Variants in MYO7B observed in about 807,000 individuals in gnomAD.
MYO7B encodes unconventional myosin-VIIb.
A neutral mutation model predicts 259.7 loss-of-function variants in MYO7B; 212 were observed. The observed-to-expected ratio is 0.82, with a 90% CI of 0.73 to 0.91. MYO7B has a LOEUF of 0.91. MYO7B is among the 40% of genes least tolerant of loss of function. The probability of loss-of-function intolerance (pLI) is 0.00; values close to 1 mark genes in which losing one functional copy is unlikely to be tolerated. For synonymous variants in MYO7B, 1,197 were observed against 1,166.4 expected (o/e 1.03, Z -0.54); for missense variants, 2,732 against 2,813.5 (o/e 0.97, Z 0.66).
intron 10 of MYO7B, 97 bp downstream of exon 10, chr2:127,580,919 GC>G: frequency 8.2e-7 from 1 of 1,216,836 alleles, no homozygotes; most frequent in Non-Finnish European, 1.2e-6. Flanking sequence ...CCCTACCCAG[GC>G]CCCCACCCCT....
rs376631156 is a variant in MYO7B at position 127,624,272 on chromosome 2, C to T, written c.3999C>T (p.Tyr1333=). ...ACCCTGTCAGCACCGAGCTTATTTA[C>T]CGCCAAGTCCTCCGAGGAGTCTGGT... ...REDPVSTELI[Y]RQVLRGVWSG... Residue 1333 remains tyrosine, a synonymous_variant, in exon 30 of 48, where the codon TAC becomes TAT. Transcript: ENST00000409816. 1.9e-6 allele frequency: 3 copies of T among 1,591,588 alleles called. No individual in the cohort carries two copies. The highest frequency in any genetic ancestry group is 2.6e-6 in the Non-Finnish European group (3 of 1,169,780).
At chr2:127,598,900 G>A (rs1366432677) in intron 19 of MYO7B, among the ~76,000 whole-genome samples, 2 of 152,068 alleles carry the variant, frequency 1.3e-5, no homozygotes, top group African/African-American at 4.8e-5. Flanking sequence ...CTGTTTCTAT[G>A]TTCTCTATCC....
At chr2:127,618,720 C>T (rs1455929219) in intron 26 of MYO7B, among the ~76,000 whole-genome samples, 1 of 152,164 alleles carries the variant, frequency 6.6e-6, no homozygotes, top group Non-Finnish European at 1.5e-5. Context: ...GAGTGGTTTG[C>T]CATTGTTGGG....
chr2:127,609,637 G>A lies in MYO7B; in HGVS notation c.2946G>A (p.Gln982=). 8 of 1,613,984 alleles carry A rather than the reference G, an allele frequency of 5.0e-6. No individual in the cohort carries two copies. Among genetic ancestry groups the A allele is most frequent in the Non-Finnish European group, 6.8e-6 (8 of 1,179,876 alleles). Residue 982 remains glutamine (Q), a synonymous_variant, in exon 23 of 48, where the codon CAG becomes CAA. Coordinates refer to ENST00000409816, the MANE Select transcript of MYO7B (RefSeq NM_001393586.1). The surrounding 1 kb of genome is among the most constrained non-coding windows in gnomAD (Gnocchi z 6.9). ...CCAAGTTTGCTGTGACTTACTTCCA[G>A]AAATCAGCCAGCCACACACACATCC... ...TFPKFAVTYF[Q]KSASHTHIRR...
rs1440079356 is a variant in MYO7B at position 127,624,203 on chromosome 2, C to T, written c.3930C>T (p.Tyr1310=). The T allele has an allele frequency of 6.3e-7, 1 of 1,597,756 alleles. No homozygotes were observed. The highest frequency in any genetic ancestry group is 8.5e-7 in the Non-Finnish European group (1 of 1,172,768). The change falls in exon 30 of 48, where the codon TAC becomes TAT. Residue 1310 remains tyrosine (Y), a synonymous_variant. Coordinates refer to ENST00000409816, the MANE Select transcript of MYO7B (RefSeq NM_001393586.1). ...ESQRQSPWRI[Y]FRKEFFTPWH... is the part of the protein sequence containing the mutation. ...AGCGCCAGTCACCCTGGCGCATCTACTTCCGGAAGGAATTCTTCACCCCCT... is the reference window on the plus strand; with the variant it reads ...AGCGCCAGTCACCCTGGCGCATCTATTTCCGGAAGGAATTCTTCACCCCCT...
In MYO7B at chr2:127,635,619, G is replaced by A. The variant is rs1477974402; in HGVS notation, c.5821-103G>A. On this transcript the variant is annotated intron_variant, in intron 43 of 47. Coordinates refer to ENST00000409816, the MANE Select transcript of MYO7B (RefSeq NM_001393586.1). ...TACCCTGCTCAGTCCGTCCTGGATG[G>A]AGTGGGCTAAGCCCCAGTTCCCCAC... 3.2e-6 allele frequency: 4 copies of A among 1,254,394 alleles called. No homozygotes were observed. In the East Asian group the frequency reaches 1.0e-4, roughly 32 times the overall value. 77.7% of individuals were successfully genotyped at this position (1,254,394 alleles called of 1,614,324 possible). A position where few individuals can be genotyped will look rare whatever the true frequency, so the allele number is the denominator to read the frequency against.
intron 26 of MYO7B, among the ~76,000 whole-genome samples, chr2:127,617,329 A>C (rs1477178040): frequency 6.6e-6 from 1 of 152,180 alleles, no homozygotes; most frequent in Non-Finnish European, 1.5e-5. Context: ...AATGACAAGA[A>C]AATGGTATGT....
intron 10 of MYO7B, 22 bp from the exon 11 acceptor site, chr2:127,581,869 C>T (rs1235766137): frequency 6.2e-7 from 1 of 1,613,018 alleles, no homozygotes; most frequent in Non-Finnish European, 8.5e-7. Flanking sequence ...AGGTGCGACG[C>T]AGCCCCCACC....
chr2:127,629,237 G>A (rs950417653), intron 34 of MYO7B, among the ~76,000 whole-genome samples: 17 of 152,192 alleles, frequency 1.1e-4, no homozygotes, highest in Admixed American at 9.2e-4. Flanking sequence ...CAGTCCTCAC[G>A]GCCACCGCAG....
intron 1 of MYO7B, among the ~76,000 whole-genome samples, chr2:127,538,659 AG>A (rs1285681593): frequency 2.0e-4 from 31 of 151,330 alleles, no homozygotes; most frequent in Non-Finnish European, 7.4e-5. Flanking sequence ...TCCACCTCCC[AG>A]GTTCAAGCAA....
chr2:127,589,046 AGTGGATGG>A (rs1573659977), intron 15 of MYO7B, among the ~76,000 whole-genome samples: 1 of 75,994 alleles, frequency 1.3e-5, no homozygotes, highest in South Asian at 5.3e-4. Context: ...TGGGTGGGTG[AGTGGATGG>A]GTGGATGGGT....
At chr2:127,565,211 G>A (rs370690700) in intron 3 of MYO7B, 22 bp from the exon 4 acceptor site, 3 of 1,608,922 alleles carry the variant, frequency 1.9e-6, no homozygotes, top group African/African-American at 2.7e-5. Context: ...CCCCTCAGGG[G>A]AGTCTGCACC....
At position 127,539,870 on chromosome 2, in the gene MYO7B, C is replaced by T. The variant is rs969894189; in HGVS notation, c.-24+4039C>T. ...CGAAAGTCCCCAAAGTCCATTGTAT[C>T]GTTCTTACGCCTTTGCAGCCTCATA... On this transcript the variant is annotated intron_variant, in intron 1 of 47. Coordinates refer to ENST00000409816, the MANE Select transcript of MYO7B (RefSeq NM_001393586.1). This position sits in a 1 kb window ranked among gnomAD's most constrained non-coding sequence, Gnocchi z 4.0. Among the ~76,000 whole-genome samples the T allele has an allele frequency of 1.3e-5, 2 of 152,190 alleles. No homozygotes were observed. The highest frequency in any genetic ancestry group is 4.8e-5 in the African/African-American group (2 of 41,450).
rs1573663012 is a variant in MYO7B at position 127,590,648 on chromosome 2, A to C, written c.1992+419A>C. Among the ~76,000 whole-genome samples, 1 of 151,914 alleles carries C rather than the reference A, an allele frequency of 6.6e-6. No individual in the cohort carries two copies. On this transcript the variant is annotated intron_variant, in intron 16 of 47. Coordinates refer to ENST00000409816, the MANE Select transcript of MYO7B (RefSeq NM_001393586.1). The surrounding 1 kb of genome is among the most constrained non-coding windows in gnomAD (Gnocchi z 4.6). ...TAATAGGACTTTAGAGGCTGACACC[A>C]CTCCTTTCACCAGCCCTGCAGACAG...
At chr2:127,621,268 T>TG (rs1218876466) in intron 27 of MYO7B, among the ~76,000 whole-genome samples, 3 of 150,114 alleles carry the variant, frequency 2.0e-5, no homozygotes, top group Non-Finnish European at 4.4e-5. Flanking sequence ...TTTTTTTGTT[T>TG]TTTTTTTTTT....
In MYO7B at chr2:127,584,640, A is replaced by C. The variant is rs1030639506; in HGVS notation, c.1555-138A>C. The C allele has an allele frequency of 1.5e-5, 16 of 1,055,936 alleles. No individual in the cohort carries two copies. Among genetic ancestry groups the C allele is most frequent in the Non-Finnish European group, 2.2e-5 (16 of 736,404 alleles). The allele number at this position is 1,055,936 out of a possible 1,614,324, so 65.4% of individuals were successfully genotyped here. On this transcript the variant is annotated intron_variant, in intron 13 of 47. Transcript: ENST00000409816. This position sits in a 1 kb window ranked among gnomAD's most constrained non-coding sequence, Gnocchi z 5.8. ...TGCAACAAGTCACTGACCCCTGGGC[A>C]TTAGTTTCCTGTCTGTACAAAGGCC...
chr2:127,542,586 C>T (rs958806202), intron 1 of MYO7B, among the ~76,000 whole-genome samples: 1 of 152,172 alleles, frequency 6.6e-6, no homozygotes, highest in East Asian at 1.9e-4. Context: ...GAAGGGGTGG[C>T]CAGCCCCTCC....
intron 1 of MYO7B, among the ~76,000 whole-genome samples, chr2:127,550,320 C>G (rs1173408845): frequency 3.9e-5 from 6 of 152,160 alleles, no homozygotes; most frequent in Admixed American, 2.6e-4. Context: ...AATCCCAGCA[C>G]TTTCAGAGGA....
chr2:127,592,732 G>A, intron 16 of MYO7B, 62 bp from the exon 17 acceptor site: 1 of 1,557,604 alleles, frequency 6.4e-7, no homozygotes, highest in Non-Finnish European at 8.7e-7. Context: ...GTGGGGTGCC[G>A]GGAAGGGGGG....
Sources: allele counts gnomAD v4.1 joint callset (sites outside exome capture counted in the v4.1 genomes callset), GRCh38; gene constraint gnomAD v4.1.1; non-coding constraint Gnocchi (gnomAD v3.1); transcripts MANE v1.5; gene names NCBI Gene and HGNC (gene_info 2026-07-23, HGNC 2026-07-21).